Variants in AGMO observed in about 807,000 individuals in gnomAD.
AGMO encodes alkylglycerol monooxygenase.
A neutral mutation model predicts 60.2 loss-of-function variants in AGMO; 75 were observed. The ratio of observed to expected loss-of-function variants is 1.25; its 90% CI spans 1.03 to 1.51. The LOEUF (loss-of-function observed/expected upper bound fraction) is 1.51. Among genes scored for constraint, AGMO ranks in the 40% most tolerant of loss-of-function variants. The pLI is 0.00. For synonymous variants in AGMO, 261 were observed against 177.1 expected (o/e 1.47, Z -3.76); for missense variants, 763 against 525.5 (o/e 1.45, Z -4.42).
At chr7:15,487,800 G>T (rs1452750135) in intron 3 of AGMO, among the ~76,000 whole-genome samples, 6 of 151,998 alleles carry the variant, frequency 3.9e-5, no homozygotes, top group African/African-American at 1.4e-4. Context: ...ACTATATTCA[G>T]AGCCCTTGAA....
chr7:15,549,812 C>T (rs1327255789), intron 2 of AGMO, among the ~76,000 whole-genome samples: 128 of 151,718 alleles, frequency 8.4e-4, no homozygotes, highest in African/African-American at 2.2e-3. Context: ...CTGCACCAAG[C>T]GGACCTAATA....
chr7:15,206,885 T>A, intron 12 of AGMO, among the ~76,000 whole-genome samples: 1 of 152,202 alleles, frequency 6.6e-6, no homozygotes, highest in East Asian at 1.9e-4. Flanking sequence ...TATTTTACTA[T>A]TTAATGGGGG....
the AGMO span, among the ~76,000 whole-genome samples, chr7:15,188,523 G>A: frequency 6.6e-6 from 1 of 152,142 alleles, no homozygotes; most frequent in South Asian, 2.1e-4. Flanking sequence ...AGAGATTTAT[G>A]AGCCAGATAC....
At chr7:15,480,721 T>C (rs111670205) in intron 3 of AGMO, among the ~76,000 whole-genome samples, 19 of 152,292 alleles carry the variant, frequency 1.2e-4, no homozygotes, top group African/African-American at 4.6e-4. Flanking sequence ...TTGGATCTTA[T>C]AGTCTTTTTC....
chr7:15,377,679 G>A (rs969857598), intron 10 of AGMO, among the ~76,000 whole-genome samples: 1 of 151,958 alleles, frequency 6.6e-6, no homozygotes, highest in South Asian at 2.1e-4. Context: ...ATCAACAGTT[G>A]GATATTTAGA....
the AGMO span, among the ~76,000 whole-genome samples, chr7:15,121,506 A>C: frequency 6.6e-6 from 1 of 152,090 alleles, no homozygotes; most frequent in Non-Finnish European, 1.5e-5. Context: ...TTTTTAATGA[A>C]CACCCTTCTA....
chr7:15,491,348 C>G (rs1562533680), intron 3 of AGMO, among the ~76,000 whole-genome samples: 1 of 152,100 alleles, frequency 6.6e-6, no homozygotes, highest in Non-Finnish European at 1.5e-5. Context: ...AAGTGTCATG[C>G]CTACGGTGAT....
At chr7:15,327,740 C>CTTT (rs546851399) in intron 12 of AGMO, among the ~76,000 whole-genome samples, 15 of 88,010 alleles carry the variant, frequency 1.7e-4, no homozygotes, top group Non-Finnish European at 2.3e-4. Context: ...TGATTTCTTT[C>CTTT]TTTTTTTTTT....
At chr7:15,458,300 A>T (rs1435849570) in intron 3 of AGMO, among the ~76,000 whole-genome samples, 1 of 152,204 alleles carries the variant, frequency 6.6e-6, no homozygotes, top group Admixed American at 6.6e-5. Flanking sequence ...TGTTTGGAGG[A>T]AAGTGCTGAG....
At chr7:15,432,312 ATG>A (rs1353877807) in intron 3 of AGMO, among the ~76,000 whole-genome samples, 5 of 138,450 alleles carry the variant, frequency 3.6e-5, no homozygotes, top group African/African-American at 1.3e-4. Context: ...GGTCATATAT[ATG>A]TGTGTGTATA....
At chr7:15,236,799 T>C (rs527851480) in intron 12 of AGMO, among the ~76,000 whole-genome samples, 47 of 152,090 alleles carry the variant, frequency 3.1e-4, no homozygotes, top group African/African-American at 1.1e-3. Flanking sequence ...TAGTTACTAG[T>C]TAGTGATTAA....
At chr7:15,228,398 A>G (rs139604962) in intron 12 of AGMO, among the ~76,000 whole-genome samples, 39 of 152,268 alleles carry the variant, frequency 2.6e-4, no homozygotes, top group African/African-American at 9.4e-4. Context: ...TATAGAGCTT[A>G]AAGGAGCTTG....
At chr7:15,182,057 AG>A in the AGMO span, among the ~76,000 whole-genome samples, 1 of 152,338 alleles carries the variant, frequency 6.6e-6, no homozygotes, top group Non-Finnish European at 1.5e-5. Context: ...CTGATACATC[AG>A]TAAATCTTAA....
At chr7:15,205,996 TA>T (rs1781430329) in intron 12 of AGMO, among the ~76,000 whole-genome samples, 1 of 152,130 alleles carries the variant, frequency 6.6e-6, no homozygotes, top group African/African-American at 2.4e-5. Flanking sequence ...CTAAATTATT[TA>T]AAGAAAACTA....
At chr7:15,369,392 C>T (rs1378836214) in intron 10 of AGMO, among the ~76,000 whole-genome samples, 1 of 152,088 alleles carries the variant, frequency 6.6e-6, no homozygotes, top group Admixed American at 6.6e-5. Flanking sequence ...TACGCCATAC[C>T]CCACTATTAA....
At chr7:15,359,332 C>G (rs114019685) in intron 12 of AGMO, among the ~76,000 whole-genome samples, 4,183 of 150,704 alleles carry the variant, frequency 0.028, 197 homozygotes, top group African/African-American at 0.096. Flanking sequence ...TATTTTTACT[C>G]ATATTTACTT....
chr7:15,347,616 A>G (rs529438924), intron 12 of AGMO, among the ~76,000 whole-genome samples: 4 of 151,432 alleles, frequency 2.6e-5, no homozygotes, highest in African/African-American at 9.7e-5. Flanking sequence ...TGATTTCCCA[A>G]AAAAAATGTG....
At chr7:15,546,013 C>T (rs990548488) in intron 2 of AGMO, among the ~76,000 whole-genome samples, 14 of 152,008 alleles carry the variant, frequency 9.2e-5, no homozygotes, top group South Asian at 2.1e-4. Context: ...GATTATTATA[C>T]TACCAAAATT....
intron 12 of AGMO, among the ~76,000 whole-genome samples, chr7:15,205,404 T>C (rs1362942701): frequency 6.6e-6 from 1 of 150,400 alleles, no homozygotes; most frequent in Non-Finnish European, 1.5e-5. Context: ...ATCTCTGAAA[T>C]TGCTAATTTT....
Sources: gnomAD v4.1 joint callset for allele counts (sites outside exome capture counted in the v4.1 genomes callset) on GRCh38, gnomAD v4.1.1 for gene constraint, MANE v1.5 for transcripts, NCBI Gene and HGNC (gene_info 2026-07-23, HGNC 2026-07-21) for gene names.